The following TRPC7 variants were observed in gnomAD, a reference collection of about 807,000 sequenced individuals.
TRPC7 encodes the protein short transient receptor potential channel 7.
TRPC7 carries 42 observed loss-of-function variants against 90.1 expected under a neutral mutation model. The observed-to-expected ratio is 0.47, with a 90% confidence interval of 0.36 to 0.60. The LOEUF (loss-of-function observed/expected upper bound fraction) is 0.60. Ranked by LOEUF, TRPC7 falls within the 20% of genes least tolerant of loss-of-function variation. The probability of loss-of-function intolerance (pLI) is 0.00; values close to 1 mark genes in which losing one functional copy is unlikely to be tolerated. For synonymous variants in TRPC7, 451 were observed against 436.3 expected (o/e 1.03, Z -0.42); for missense variants, 955 against 1,112.3 (o/e 0.86, Z 2.01).
chr5:136,359,972 C>T (rs1051996295), intron 1 of TRPC7, among the ~76,000 whole-genome samples: 21 of 152,078 alleles, frequency 1.4e-4, no homozygotes, highest in African/African-American at 4.1e-4. Flanking sequence ...GTGTCAGATA[C>T]GAAACAGCAG....
chr5:136,351,533 T>A (rs530939909), intron 2 of TRPC7, among the ~76,000 whole-genome samples: 1 of 152,324 alleles, frequency 6.6e-6, no homozygotes, highest in Admixed American at 6.5e-5. Context: ...GGCAATAGGC[T>A]TATTCAGCGG....
chr5:136,291,451 A>G (rs1757946118), intron 3 of TRPC7, among the ~76,000 whole-genome samples: 2 of 152,216 alleles, frequency 1.3e-5, no homozygotes, highest in South Asian at 4.1e-4. Flanking sequence ...AGGAAGATCT[A>G]CCAAGCCAAT....
chr5:136,303,156 G>A (rs1342771130), intron 3 of TRPC7, among the ~76,000 whole-genome samples: 1 of 152,104 alleles, frequency 6.6e-6, no homozygotes, highest in Admixed American at 6.5e-5. Context: ...CAAGGTTAAT[G>A]CTCCTTTTTC....
chr5:136,349,452 A>G (rs1368609408), intron 2 of TRPC7, among the ~76,000 whole-genome samples: 2 of 152,168 alleles, frequency 1.3e-5, no homozygotes, highest in Non-Finnish European at 2.9e-5. Flanking sequence ...TGAGAAACAG[A>G]GAGATCTTCA....
chr5:136,251,710 G>A lies in TRPC7; in HGVS notation c.1518C>T (p.His506=), dbSNP rs1268240636. ...CATTGTGCAGCGTGTCGTCCTGCAC[G>A]TGCTGGTCCACGTACAGCTGTGCCT... ...ATEAQLYVDQ[H]VQDDTLHNVS... The change falls in exon 6 of 12, where the codon CAC becomes CAT. Residue 506 remains histidine (H), a synonymous_variant. Transcript: ENST00000513104. 2 of 1,613,766 alleles carry A rather than the reference G, an allele frequency of 1.2e-6. No individual in the cohort carries two copies. Among genetic ancestry groups the A allele is most frequent in the African/African-American group, 1.3e-5 (1 of 74,916 alleles).
chr5:136,244,271 TC>T (rs1285897265), intron 7 of TRPC7, among the ~76,000 whole-genome samples: 3 of 152,014 alleles, frequency 2.0e-5, no homozygotes, highest in East Asian at 1.9e-4. Context: ...CTCTTGGGGA[TC>T]CTTCCACCTC....
At chr5:136,333,751 A>G (rs2149847848) in intron 2 of TRPC7, among the ~76,000 whole-genome samples, 1 of 152,356 alleles carries the variant, frequency 6.6e-6, no homozygotes, top group Non-Finnish European at 1.5e-5. Flanking sequence ...TGAGAGCTCA[A>G]TATGTGGCAT....
chr5:136,342,360 G>A (rs181255030), intron 2 of TRPC7, among the ~76,000 whole-genome samples: 1 of 152,230 alleles, frequency 6.6e-6, no homozygotes, highest in Non-Finnish European at 1.5e-5. Context: ...GGTGCAGACT[G>A]CTGGGTGTGT....
At chr5:136,219,189 G>C (rs1220295305) in intron 10 of TRPC7, among the ~76,000 whole-genome samples, 1 of 152,206 alleles carries the variant, frequency 6.6e-6, no homozygotes, top group Non-Finnish European at 1.5e-5. Context: ...GGGGGTCTCT[G>C]CTCTGGCACT....
chr5:136,275,138 T>C (rs1561697238), intron 3 of TRPC7, among the ~76,000 whole-genome samples: 1 of 152,204 alleles, frequency 6.6e-6, no homozygotes, highest in Admixed American at 6.5e-5. Flanking sequence ...TACATGCTTG[T>C]CTTCAATTCA....
chr5:136,298,670 C>T (rs1481087329), intron 3 of TRPC7, among the ~76,000 whole-genome samples: 1 of 152,096 alleles, frequency 6.6e-6, no homozygotes, highest in Non-Finnish European at 1.5e-5. Context: ...ACCCCCTTGC[C>T]TTAACATGGG....
Position 136,214,710 on chromosome 5 carries a change from G to A in TRPC7, c.2420-1106C>T, listed in dbSNP as rs7732585. Among the ~76,000 whole-genome samples, 371 of 152,290 alleles carry A rather than the reference G, an allele frequency of 2.4e-3. 1 individual carries two copies. The highest frequency in any genetic ancestry group is 8.6e-3 in the African/African-American group (356 of 41,554). On this transcript the variant is annotated intron_variant, in intron 11 of 11. Coordinates refer to ENST00000513104, the MANE Select transcript of TRPC7 (RefSeq NM_020389.3). Reference sequence around the variant, plus strand: ...GCCCCTAAACCATGTCAGCTCAGGGGCAGTTCAGTTATGGCTGAGCTTCGA... The same window carrying A: ...GCCCCTAAACCATGTCAGCTCAGGGACAGTTCAGTTATGGCTGAGCTTCGA...
chr5:136,247,812 A>T lies in TRPC7; in HGVS notation c.1580-77T>A. 4 of 1,519,376 alleles carry T rather than the reference A, an allele frequency of 2.6e-6. No individual in the cohort carries two copies. Among genetic ancestry groups the T allele is most frequent in the Non-Finnish European group, 3.5e-6 (4 of 1,128,592 alleles). The allele number at this position is 1,519,376 out of a possible 1,614,324, so 94.1% of individuals were successfully genotyped here. A position where few individuals can be genotyped will look rare whatever the true frequency, so the allele number is the denominator to read the frequency against. On this transcript the variant is annotated intron_variant, in intron 6 of 11. Coordinates refer to ENST00000513104, the MANE Select transcript of TRPC7 (RefSeq NM_020389.3). This position sits in a 1 kb window ranked among gnomAD's most constrained non-coding sequence, Gnocchi z 4.2. ...AGAGAAACCAGTTAGGCATCTTTAG[A>T]GGTCTCCAACTGCATCATTTGCCAT...
At chr5:136,306,766 G>A (rs1055634656) in intron 3 of TRPC7, among the ~76,000 whole-genome samples, 1 of 152,172 alleles carries the variant, frequency 6.6e-6, no homozygotes, top group Middle Eastern at 3.4e-3. Context: ...AGGGTGCTTT[G>A]TAATCTCCCC....
chr5:136,213,357 C>T lies in TRPC7; in HGVS notation c.*78G>A, dbSNP rs1755154262. On this transcript the variant is annotated 3_prime_UTR_variant, in exon 12 of 12. Coordinates refer to ENST00000513104, the MANE Select transcript of TRPC7 (RefSeq NM_020389.3). Reference sequence around the variant, plus strand: ...CTAGAGGAGTGGGCTGGGGACCCCTCCCCACCAAGGATGGGGGCGAGGGCA... The same window carrying T: ...CTAGAGGAGTGGGCTGGGGACCCCTTCCCACCAAGGATGGGGGCGAGGGCA... 1.3e-6 allele frequency: 2 copies of T among 1,506,222 alleles called. No homozygotes were observed. Among genetic ancestry groups the T allele is most frequent in the South Asian group, 2.5e-5 (2 of 79,578 alleles). The allele number at this position is 1,506,222 out of a possible 1,614,324, so 93.3% of individuals were successfully genotyped here. A position where few individuals can be genotyped will look rare whatever the true frequency, so the allele number is the denominator to read the frequency against.
At chr5:136,238,567 A>G (rs1561682964) in intron 7 of TRPC7, among the ~76,000 whole-genome samples, 1 of 152,138 alleles carries the variant, frequency 6.6e-6, no homozygotes, top group Non-Finnish European at 1.5e-5. Flanking sequence ...AGCTTAAACC[A>G]TATTATCATC....
intron 3 of TRPC7, among the ~76,000 whole-genome samples, chr5:136,295,897 G>T (rs1191098912): frequency 6.6e-6 from 1 of 152,128 alleles, no homozygotes; most frequent in East Asian, 1.9e-4. Context: ...CTTCCTACTG[G>T]ACACCTCTAA....
intron 3 of TRPC7, among the ~76,000 whole-genome samples, chr5:136,287,874 T>C (rs2149822464): frequency 6.6e-6 from 1 of 151,822 alleles, no homozygotes; most frequent in South Asian, 2.1e-4. Flanking sequence ...CACAAGTGAG[T>C]CTTCAGGGCC....
intron 2 of TRPC7, among the ~76,000 whole-genome samples, chr5:136,347,304 G>A (rs1760040126): frequency 6.6e-6 from 1 of 152,122 alleles, no homozygotes. Flanking sequence ...TGAGATTTTG[G>A]GTGGCCAGAA....
Sources: allele counts gnomAD v4.1 joint callset (sites outside exome capture counted in the v4.1 genomes callset), GRCh38; gene constraint gnomAD v4.1.1; non-coding constraint Gnocchi (gnomAD v3.1); transcripts MANE v1.5; gene names NCBI Gene and HGNC (gene_info 2026-07-23, HGNC 2026-07-21).